PGS1: variants seen among roughly 807,000 people sequenced by gnomAD.
PGS1 encodes the protein CDP-diacylglycerol--glycerol-3-phosphate 3-phosphatidyltransferase, mitochondrial.
PGS1 carries 44 observed loss-of-function variants against 58.3 expected under a neutral mutation model. The observed-to-expected ratio is 0.75, with a 90% CI of 0.59 to 0.97. PGS1 has a LOEUF of 0.97. Ranked by LOEUF, PGS1 falls within the 50% of genes least tolerant of loss-of-function variation. PGS1 has a pLI of 0.00. For missense variants in PGS1, 684 were observed against 731.1 expected, an observed-to-expected ratio of 0.94 and a Z score of 0.74; for synonymous variants, 330 against 311.0, an observed-to-expected ratio of 1.06 and a Z score of -0.64.
chr17:78,384,373 G>T (rs1234912883), intron 1 of PGS1, among the ~76,000 whole-genome samples: 1 of 152,178 alleles, frequency 6.6e-6, no homozygotes, highest in Non-Finnish European at 1.5e-5. Context: ...AGTTTCTGGA[G>T]CCTTTCTCAG....
At chr17:78,404,240 A>G (rs9900494) in intron 7 of PGS1, 151 bp downstream of exon 7, 171,574 of 764,094 alleles carry the variant, frequency 0.22, 20,620 homozygotes, top group East Asian at 0.24. Flanking sequence ...TAGCTGTCCC[A>G]TGACTTGGGG....
At position 78,424,436 on chromosome 17, in the gene PGS1, A is replaced by G. The variant is rs117263857; in HGVS notation, c.*386A>G. The G allele has an allele frequency of 9.6e-5, 38 of 396,114 alleles. No individual in the cohort carries two copies. The East Asian group carries it at 1.5e-3, about 15-fold the overall frequency. The allele number at this position is 396,114 out of a possible 1,614,324, so 24.5% of individuals were successfully genotyped here. On this transcript the variant is annotated 3_prime_UTR_variant, in exon 10 of 10. Transcript: ENST00000262764. ...TTTCAGAGCCTCATCTGTCAGCCTT[A>G]ATGTCAGTGGCAGGAAGTCATAACT...
chr17:78,396,536 T>G (rs1401923722), intron 3 of PGS1, 151 bp downstream of exon 3: 2 of 627,582 alleles, frequency 3.2e-6, no homozygotes, highest in Non-Finnish European at 5.6e-6. Flanking sequence ...GATATGGGCA[T>G]GTCAGGAGGG....
At chr17:78,410,596 C>T (rs2084581470) in intron 7 of PGS1, among the ~76,000 whole-genome samples, 1 of 150,120 alleles carries the variant, frequency 6.7e-6, no homozygotes, top group Admixed American at 6.7e-5. Flanking sequence ...GCTTCAGCCT[C>T]CCCAGTAGCT....
chr17:78,419,917 T>TG, intron 9 of PGS1: 1 of 1,240,292 alleles, frequency 8.1e-7, no homozygotes, highest in Non-Finnish European at 1.0e-6. Context: ...GCGCCTGTGC[T>TG]GGGGTCGGCA....
chr17:78,379,779 A>G (rs1006784576), intron 1 of PGS1, among the ~76,000 whole-genome samples: 1 of 151,518 alleles, frequency 6.6e-6, no homozygotes, highest in African/African-American at 2.4e-5. Flanking sequence ...CAGTGAGCCA[A>G]GATTGCCTCA....
rs549268035 is a variant in PGS1, at chr17:78,404,368, A to C, written c.1402+279A>C. 9.8e-4 allele frequency among the ~76,000 whole-genome samples: 130 copies of C among 133,330 alleles called. 1 individual carries two copies. The highest frequency in any genetic ancestry group is 3.6e-3 in the African/African-American group (126 of 34,530). The allele number at this position is 133,330 out of a possible 152,430, so 87.5% of individuals were successfully genotyped here. A position where few individuals can be genotyped will look rare whatever the true frequency, so the allele number is the denominator to read the frequency against. On this transcript the variant is annotated intron_variant, in intron 7 of 9. Transcript: ENST00000262764. ...ATGATCTCAGTTCACCGCAACCTCC[A>C]CTTCCCGGTTCAAGCAGTCCTCCCA...
chr17:78,382,486 G>A (rs2082098288), intron 1 of PGS1, among the ~76,000 whole-genome samples: 1 of 152,052 alleles, frequency 6.6e-6, no homozygotes. Flanking sequence ...GGGGATGATG[G>A]TAAAGTGCAT....
At chr17:78,390,077 C>T (rs1310997091) in intron 1 of PGS1, among the ~76,000 whole-genome samples, 2 of 149,562 alleles carry the variant, frequency 1.3e-5, no homozygotes, top group African/African-American at 4.9e-5. Context: ...CGCCCCCGAC[C>T]ATGTTTCATT....
chr17:78,403,447 G>T, intron 6 of PGS1, 121 bp from the exon 7 acceptor site: 1 of 1,076,672 alleles, frequency 9.3e-7, no homozygotes, highest in Non-Finnish European at 1.4e-6. Flanking sequence ...CTCAGCGAGT[G>T]TTCAGTGAAC....
At position 78,422,455 on chromosome 17, in the gene PGS1, A is replaced by T. The variant is rs370125984; in HGVS notation, c.*11-1606A>T. On this transcript the variant is annotated intron_variant, in intron 9 of 9. Coordinates refer to ENST00000262764, the MANE Select transcript of PGS1 (RefSeq NM_024419.5). ...TGGAAAAATGTTTTTGCAAAACTTG[A>T]TGATCAAGCTGAACGTAGAACGATA... Among the ~76,000 whole-genome samples the T allele has an allele frequency of 7.2e-5, 9 of 125,858 alleles. 1 individual carries two copies. In the East Asian group the frequency reaches 8.1e-4, roughly 11 times the overall value. The allele number at this position is 125,858 out of a possible 152,430, so 82.6% of individuals were successfully genotyped here. A position where few individuals can be genotyped will look rare whatever the true frequency, so the allele number is the denominator to read the frequency against.
chr17:78,397,969 T>C (rs2083367836), intron 3 of PGS1: 2 of 528,822 alleles, frequency 3.8e-6, no homozygotes, highest in Non-Finnish European at 7.2e-6. Flanking sequence ...TCGTAGCGTT[T>C]CCAGGGTGGC....
rs1395005272 is a variant in PGS1, at chr17:78,399,361, C to G, written c.525C>G (p.Ser175=). Residue 175 remains serine, a synonymous_variant, in exon 5 of 10, where the codon TCC becomes TCG. Coordinates refer to ENST00000262764, the MANE Select transcript of PGS1 (RefSeq NM_024419.5). ...FTRGSRGRKN[S]RTMLLPLLRR... ...GTCCGTGTTCAGGCCGGAAGAACTC[C>G]CGCACAATGCTGCTCCCACTCCTGC... The G allele has an allele frequency of 6.2e-7, 1 of 1,614,004 alleles. No homozygotes were observed. The highest frequency in any genetic ancestry group is 1.1e-5 in the South Asian group (1 of 91,082).
chr17:78,406,892 C>T (rs1223249024), intron 7 of PGS1, among the ~76,000 whole-genome samples: 4 of 152,220 alleles, frequency 2.6e-5, no homozygotes, highest in African/African-American at 9.6e-5. Flanking sequence ...AGGCTCCTGG[C>T]CTGTGGCTTC....
At position 78,424,054 on chromosome 17, in the gene PGS1, T is replaced by C; in HGVS notation, c.*11-7T>C. Reference sequence around the variant, plus strand: ...ATAGATGTTCTTGGTCTCCATGCGGTCCACAGGAATGGCCTTGATGAAGAT... The same window carrying C: ...ATAGATGTTCTTGGTCTCCATGCGGCCCACAGGAATGGCCTTGATGAAGAT... On this transcript the variant is annotated splice_region_variant and splice_polypyrimidine_tract_variant and intron_variant, in intron 9 of 9. Coordinates refer to ENST00000262764, the MANE Select transcript of PGS1 (RefSeq NM_024419.5). 1.9e-6 allele frequency: 3 copies of C among 1,614,038 alleles called. No individual in the cohort carries two copies. Among genetic ancestry groups the C allele is most frequent in the Non-Finnish European group, 2.5e-6 (3 of 1,179,896 alleles).
At chr17:78,413,929 G>A (rs1450809220) in intron 7 of PGS1, among the ~76,000 whole-genome samples, 2 of 152,226 alleles carry the variant, frequency 1.3e-5, no homozygotes, top group Non-Finnish European at 2.9e-5. Context: ...GCCACACAGT[G>A]GCACCCCGTG....
intron 8 of PGS1, among the ~76,000 whole-genome samples, chr17:78,416,231 A>T (rs1204192016): frequency 6.6e-6 from 1 of 152,246 alleles, no homozygotes; most frequent in Non-Finnish European, 1.5e-5. Context: ...TGAGGTTTAC[A>T]GCAAATGACT....
rs375788901 is a variant in PGS1 at position 78,424,183 on chromosome 17, T to C, written c.*133T>C. 25 of 1,586,086 alleles carry C rather than the reference T, an allele frequency of 1.6e-5. No individual in the cohort carries two copies. In the African/African-American group the frequency reaches 3.2e-4, roughly 20 times the overall value. ...AGGGACAGTATGGCTGAGGGTCAGG[T>C]GTGCTGCCAGTAAGTGAGGGAGGGG... On this transcript the variant is annotated 3_prime_UTR_variant, in exon 10 of 10. Coordinates refer to ENST00000262764, the MANE Select transcript of PGS1 (RefSeq NM_024419.5).
intron 1 of PGS1, 41 bp from the exon 2 acceptor site, chr17:78,392,426 AGTATTTGAG>A (rs773925506): frequency 8.8e-5 from 121 of 1,377,060 alleles, no homozygotes; most frequent in Non-Finnish European, 1.1e-4. Context: ...CTTCTGCAGA[AGTATTTGAG>A]GTATTTGAGG....
Sources: allele counts gnomAD v4.1 joint callset (sites outside exome capture counted in the v4.1 genomes callset), GRCh38; gene constraint gnomAD v4.1.1; transcripts MANE v1.5; gene names NCBI Gene and HGNC (gene_info 2026-07-23, HGNC 2026-07-21).